The following GAB2 variants were observed in gnomAD, a reference collection of about 807,000 sequenced individuals.
The protein encoded by GAB2 is GRB2 associated binding protein 2.
In GAB2, 26 loss-of-function variants were observed where a neutral mutation model predicts 65.5. The ratio of observed to expected loss-of-function variants is 0.40; its 90% CI spans 0.29 to 0.55. The LOEUF (loss-of-function observed/expected upper bound fraction) is 0.55. GAB2 is among the 20% of genes least tolerant of loss of function. The pLI is 0.53. For synonymous variants in GAB2, 321 were observed against 329.6 expected, an observed-to-expected ratio of 0.97 and a Z score of 0.28; for missense variants, 884 against 875.8, an observed-to-expected ratio of 1.01 and a Z score of -0.12.
At chr11:78,264,225 C>A (rs1434599303) in intron 2 of GAB2, among the ~76,000 whole-genome samples, 1 of 151,928 alleles carries the variant, frequency 6.6e-6, no homozygotes, top group Non-Finnish European at 1.5e-5. Context: ...GACATATTAA[C>A]AATACTGAGT....
chr11:78,387,499 G>GA (rs573402293), intron 1 of GAB2, among the ~76,000 whole-genome samples: 141 of 152,282 alleles, frequency 9.3e-4, no homozygotes, highest in African/African-American at 2.9e-3. Flanking sequence ...CAGTAACAGT[G>GA]GTCTCTCAGT....
intron 1 of GAB2, among the ~76,000 whole-genome samples, chr11:78,411,536 C>T (rs1028799348): frequency 1.3e-5 from 2 of 152,076 alleles, no homozygotes; most frequent in Non-Finnish European, 2.9e-5. Context: ...ACAGAGACAA[C>T]AGAAACAGAC....
At chr11:78,245,260 A>G (rs190038857) in intron 3 of GAB2, among the ~76,000 whole-genome samples, 11 of 152,312 alleles carry the variant, frequency 7.2e-5, no homozygotes, top group Non-Finnish European at 1.5e-4. Context: ...ACTTTACTGA[A>G]CTGTGCACTT....
chr11:78,363,021 G>T (rs1161332837), intron 1 of GAB2, among the ~76,000 whole-genome samples: 3 of 152,014 alleles, frequency 2.0e-5, no homozygotes, highest in Non-Finnish European at 4.4e-5. Context: ...TTACATAATG[G>T]GAGATTTTTA....
At chr11:78,228,445 GTATACA>G (rs1424791504) in intron 3 of GAB2, among the ~76,000 whole-genome samples, 5 of 152,138 alleles carry the variant, frequency 3.3e-5, no homozygotes, top group Admixed American at 1.3e-4. Flanking sequence ...GGCAAATCTC[GTATACA>G]TATAAACTTG....
intron 1 of GAB2, among the ~76,000 whole-genome samples, chr11:78,369,135 C>T (rs1156575114): frequency 7.0e-6 from 1 of 142,994 alleles, no homozygotes; most frequent in African/African-American, 2.7e-5. Flanking sequence ...GACAGAGACC[C>T]TGTCTCAAAA....
intron 3 of GAB2, among the ~76,000 whole-genome samples, chr11:78,243,164 GA>G (rs937159611): frequency 2.1e-4 from 28 of 135,092 alleles, no homozygotes; most frequent in South Asian, 2.3e-4. Context: ...ACTCTGTCTA[GA>G]AAAAAAAAAA....
intron 2 of GAB2, among the ~76,000 whole-genome samples, chr11:78,252,204 C>T (rs143837208): frequency 2.0e-5 from 3 of 152,324 alleles, no homozygotes; most frequent in African/African-American, 4.8e-5. Context: ...AATTACTCTC[C>T]AGGCATTTCT....
At chr11:78,393,556 A>T (rs547329924) in intron 1 of GAB2, among the ~76,000 whole-genome samples, 5 of 152,356 alleles carry the variant, frequency 3.3e-5, no homozygotes, top group Admixed American at 1.3e-4. Flanking sequence ...CCTTTCTGAG[A>T]GCCAATTTGG....
chr11:78,262,013 C>T lies in GAB2; in HGVS notation c.377-11613G>A, dbSNP rs56894956. Among the ~76,000 whole-genome samples the T allele has an allele frequency of 2.6e-3, 391 of 152,296 alleles. 4 individuals are homozygous for T. Among genetic ancestry groups the T allele is most frequent in the African/African-American group, 9.0e-3 (376 of 41,562 alleles). Reference sequence around the variant, plus strand: ...TCCTTTCACAGTGACTCTGAGACAACTGGCAATTGGTGTAAAACAGAAGCG... The same window carrying T: ...TCCTTTCACAGTGACTCTGAGACAATTGGCAATTGGTGTAAAACAGAAGCG... On this transcript the variant is annotated intron_variant, in intron 2 of 9. Coordinates refer to ENST00000361507, the MANE Select transcript of GAB2 (RefSeq NM_080491.3).
intron 2 of GAB2, 61 bp from the exon 3 acceptor site, chr11:78,250,461 T>A: frequency 1.3e-6 from 2 of 1,483,800 alleles, no homozygotes; most frequent in Non-Finnish European, 1.9e-6. Flanking sequence ...TATCCCAAAG[T>A]GAGTTGTCAG....
rs1866302534 is a variant in GAB2 at position 78,280,444 on chromosome 11, C to G, written c.376+157G>C. 4.5e-6 allele frequency: 3 copies of G among 660,662 alleles called. No individual in the cohort carries two copies. In the East Asian group the frequency reaches 7.6e-5, roughly 17 times the overall value. The allele number at this position is 660,662 out of a possible 1,614,324, so 40.9% of individuals were successfully genotyped here. On this transcript the variant is annotated intron_variant, in intron 2 of 9. Coordinates refer to ENST00000361507, the MANE Select transcript of GAB2 (RefSeq NM_080491.3). ...TTAGAGCATAATTAGGGCCAGGTGTCCCTCTAATATTTGGCCAACCCCTTC... is the reference window on the plus strand; with the variant it reads ...TTAGAGCATAATTAGGGCCAGGTGTGCCTCTAATATTTGGCCAACCCCTTC...
chr11:78,292,795 A>T (rs1866717081), intron 1 of GAB2, among the ~76,000 whole-genome samples: 5 of 152,196 alleles, frequency 3.3e-5, no homozygotes, highest in Non-Finnish European at 1.5e-5. Flanking sequence ...GGAAATTTTT[A>T]AAAGTGTATT....
intron 1 of GAB2, among the ~76,000 whole-genome samples, chr11:78,376,006 C>CAGAGGGAAGTTTATTTAAACT (rs1459102955): frequency 2.0e-5 from 3 of 152,182 alleles, no homozygotes; most frequent in Non-Finnish European, 4.4e-5. Flanking sequence ...CATAGTCTAA[C>CAGAGGGAAGTTTATTTAAACT]AGAGGGAAGT....
At chr11:78,413,810 C>T (rs542636454) in intron 1 of GAB2, among the ~76,000 whole-genome samples, 2 of 152,170 alleles carry the variant, frequency 1.3e-5, no homozygotes, top group South Asian at 2.1e-4. Flanking sequence ...GCAGGCTGGG[C>T]GCGGTGGCTC....
intron 1 of GAB2, among the ~76,000 whole-genome samples, chr11:78,409,714 G>A (rs148956355): frequency 0.012 from 1,881 of 152,210 alleles, 31 homozygotes; most frequent in African/African-American, 0.043. Context: ...AGAAGAACTA[G>A]ATAGAAAAAT....
chr11:78,369,666 TAA>T (rs1591069778), intron 1 of GAB2, among the ~76,000 whole-genome samples: 1 of 152,212 alleles, frequency 6.6e-6, no homozygotes, highest in Non-Finnish European at 1.5e-5. Flanking sequence ...CCAACAAGTT[TAA>T]AAAATCCAAA....
In GAB2 at chr11:78,346,706, TATATATATATATATAA is replaced by T. The variant is rs1275863381; in HGVS notation, c.76-65821_76-65806del. On this transcript the variant is annotated intron_variant, in intron 1 of 9. Coordinates refer to ENST00000361507, the MANE Select transcript of GAB2 (RefSeq NM_080491.3). ...ATATATATATATATATATATATATA[TATATATATATATATAA>T]TTTTTTTTTTTTTTAGGAAAAGAAA... Among the ~76,000 whole-genome samples the T allele has an allele frequency of 4.1e-4, 40 of 96,626 alleles. 2 individuals carry two copies. The highest frequency in any genetic ancestry group is 1.3e-3 in the South Asian group (4 of 3,082). The allele number at this position is 96,626 out of a possible 152,430, so 63.4% of individuals were successfully genotyped here.
intron 3 of GAB2, among the ~76,000 whole-genome samples, chr11:78,233,687 A>G (rs1012402273): frequency 2.0e-5 from 3 of 151,818 alleles, no homozygotes; most frequent in African/African-American, 7.3e-5. Context: ...GCTCACTGCA[A>G]CCTCCACCTC....
Sources: allele counts gnomAD v4.1 joint callset (sites outside exome capture counted in the v4.1 genomes callset), GRCh38; gene constraint gnomAD v4.1.1; transcripts MANE v1.5; gene names NCBI Gene and HGNC (gene_info 2026-07-23, HGNC 2026-07-21).